Variants in DLG2 observed in about 807,000 individuals in gnomAD.
The protein encoded by DLG2 is discs large MAGUK scaffold protein 2.
A neutral mutation model predicts 132.5 loss-of-function variants in DLG2; 45 were observed. The observed-to-expected ratio is 0.34, with a 90% CI of 0.27 to 0.44. DLG2 has a LOEUF of 0.44. DLG2 is among the 20% of genes least tolerant of loss of function. The probability of loss-of-function intolerance (pLI) is 1.00; values close to 1 mark genes in which losing one functional copy is unlikely to be tolerated. For missense variants in DLG2, 1,045 were observed against 1,196.9 expected, an observed-to-expected ratio of 0.87 and a Z score of 1.87; for synonymous variants, 424 against 419.6, an observed-to-expected ratio of 1.01 and a Z score of -0.13.
chr11:84,426,533 G>C lies in DLG2; in HGVS notation c.519+108037C>G, dbSNP rs1379459070. 5.3e-5 allele frequency among the ~76,000 whole-genome samples: 8 copies of C among 152,110 alleles called. No homozygotes were observed. The East Asian group carries it at 1.5e-3, about 29-fold the overall frequency. On this transcript the variant is annotated intron_variant, in intron 7 of 27. Coordinates refer to ENST00000376104, the MANE Select transcript of DLG2 (RefSeq NM_001142699.3). ...ATAGTACTTTGCATATAGGGCCATT[G>C]TGAATATTGCTAAATTAGAACACAT... is the stretch of plus-strand genomic sequence containing the variant.
chr11:84,936,321 A>G (rs1478277324), intron 6 of DLG2, among the ~76,000 whole-genome samples: 2 of 152,202 alleles, frequency 1.3e-5, no homozygotes, highest in Admixed American at 6.5e-5. Flanking sequence ...TAGTCCTATT[A>G]GAAATTATAG....
At chr11:84,350,607 G>A (rs1247074625) in intron 7 of DLG2, among the ~76,000 whole-genome samples, 1 of 152,186 alleles carries the variant, frequency 6.6e-6, no homozygotes, top group Non-Finnish European at 1.5e-5. Flanking sequence ...AATGGAATGA[G>A]TTGATACATT....
intron 6 of DLG2, among the ~76,000 whole-genome samples, chr11:85,107,927 TAAAAAAAAAA>T (rs5793156): frequency 1.5e-4 from 4 of 26,276 alleles, no homozygotes; most frequent in East Asian, 1.4e-3. Context: ...GGACAAGTCT[TAAAAAAAAAA>T]AAAAAAAAAA....
At chr11:84,458,622 A>G (rs2099071843) in intron 7 of DLG2, among the ~76,000 whole-genome samples, 1 of 150,766 alleles carries the variant, frequency 6.6e-6, no homozygotes, top group African/African-American at 2.4e-5. Flanking sequence ...TTTAAATATA[A>G]TAACTTTTTT....
At chr11:85,474,760 A>T (rs2153081123) in intron 3 of DLG2, among the ~76,000 whole-genome samples, 1 of 151,788 alleles carries the variant, frequency 6.6e-6, no homozygotes, top group Admixed American at 6.5e-5. Context: ...TAATTCATTT[A>T]ATTTAATTAA....
At chr11:85,416,604 C>A (rs1401664000) in intron 3 of DLG2, among the ~76,000 whole-genome samples, 2 of 152,044 alleles carry the variant, frequency 1.3e-5, no homozygotes, top group East Asian at 3.8e-4. Context: ...TGTTTGTTTC[C>A]TCTGTCATTT....
At chr11:84,734,590 C>A (rs1191010640) in intron 6 of DLG2, among the ~76,000 whole-genome samples, 1 of 152,104 alleles carries the variant, frequency 6.6e-6, no homozygotes, top group Non-Finnish European at 1.5e-5. Context: ...CAGACAGGGA[C>A]AATTTGACTT....
intron 17 of DLG2, among the ~76,000 whole-genome samples, chr11:83,795,437 A>ATC (rs10658663): frequency 8.4e-6 from 1 of 118,352 alleles, no homozygotes. Flanking sequence ...CTATATCTAT[A>ATC]TCTATATATC....
At chr11:84,749,895 C>G (rs1319292809) in intron 6 of DLG2, among the ~76,000 whole-genome samples, 1 of 152,026 alleles carries the variant, frequency 6.6e-6, no homozygotes, top group Non-Finnish European at 1.5e-5. Context: ...CACAGTAATC[C>G]CTGTAAGGCA....
chr11:84,680,216 A>G (rs767802690), intron 6 of DLG2, among the ~76,000 whole-genome samples: 1 of 152,058 alleles, frequency 6.6e-6, no homozygotes, highest in Non-Finnish European at 1.5e-5. Context: ...GAACACTCCA[A>G]TCATCTTCAA....
At chr11:83,872,092 C>T (rs975746135) in intron 16 of DLG2, among the ~76,000 whole-genome samples, 2 of 152,026 alleles carry the variant, frequency 1.3e-5, no homozygotes, top group African/African-American at 2.4e-5. Flanking sequence ...GGTGAAACCC[C>T]GTCTCTACTA....
chr11:84,737,339 T>C (rs2063970840), intron 6 of DLG2, among the ~76,000 whole-genome samples: 1 of 152,052 alleles, frequency 6.6e-6, no homozygotes, highest in Non-Finnish European at 1.5e-5. Flanking sequence ...CCTGTTTTTA[T>C]ACCAAGGCAA....
chr11:83,597,584 C>T (rs185503223), intron 19 of DLG2, among the ~76,000 whole-genome samples: 3 of 151,304 alleles, frequency 2.0e-5, no homozygotes, highest in Admixed American at 1.3e-4. Flanking sequence ...ATAGTCGCCC[C>T]AGCTACTCAG....
At chr11:84,552,192 C>A (rs2099403071) in intron 6 of DLG2, among the ~76,000 whole-genome samples, 3 of 152,126 alleles carry the variant, frequency 2.0e-5, no homozygotes, top group Admixed American at 2.0e-4. Context: ...TTTTGTTTAT[C>A]TCCATTGTCC....
At chr11:85,537,345 C>A (rs368762337) in intron 3 of DLG2, among the ~76,000 whole-genome samples, 2 of 152,302 alleles carry the variant, frequency 1.3e-5, no homozygotes, top group South Asian at 4.1e-4. Context: ...GGCTGTGGAA[C>A]CTTTGTTCTT....
At chr11:85,270,297 A>G (rs981813302) in intron 4 of DLG2, among the ~76,000 whole-genome samples, 7 of 152,182 alleles carry the variant, frequency 4.6e-5, no homozygotes, top group African/African-American at 7.2e-5. Flanking sequence ...TCCCTGCATA[A>G]GTTGTCTTCT....
chr11:84,831,204 T>C (rs2079017909), intron 6 of DLG2, among the ~76,000 whole-genome samples: 1 of 151,406 alleles, frequency 6.6e-6, no homozygotes. Context: ...GAAAGGCAAT[T>C]TAGAGAAAGA....
At chr11:85,357,685 C>T (rs997183673) in intron 3 of DLG2, among the ~76,000 whole-genome samples, 7 of 128,836 alleles carry the variant, frequency 5.4e-5, no homozygotes, top group Admixed American at 3.5e-4. Flanking sequence ...ATGTACAATA[C>T]GCCAGGCACT....
intron 21 of DLG2, among the ~76,000 whole-genome samples, chr11:83,515,675 C>T (rs1265955780): frequency 6.6e-6 from 1 of 152,244 alleles, no homozygotes; most frequent in African/African-American, 2.4e-5. Context: ...GTATAAATTT[C>T]CCTCTACACA....
Sources: allele counts gnomAD v4.1 joint callset (sites outside exome capture counted in the v4.1 genomes callset), GRCh38; gene constraint gnomAD v4.1.1; transcripts MANE v1.5; gene names NCBI Gene and HGNC (gene_info 2026-07-23, HGNC 2026-07-21).